SPATA18: variants seen among roughly 807,000 people sequenced by gnomAD.
The protein encoded by SPATA18 is mitochondria-eating protein.
In SPATA18, 54 loss-of-function variants were observed where a neutral mutation model predicts 68.1. The ratio of observed to expected loss-of-function variants is 0.79; its 90% CI spans 0.64 to 0.99. The LOEUF (loss-of-function observed/expected upper bound fraction) is 0.99, where lower values mean the gene tolerates loss of function less well. SPATA18 is among the 50% of genes least tolerant of loss of function. The pLI is 0.00. For synonymous variants in SPATA18, 242 were observed against 244.8 expected, an observed-to-expected ratio of 0.99 and a Z score of 0.11; for missense variants, 724 against 681.1, an observed-to-expected ratio of 1.06 and a Z score of -0.70.
chr4:52,086,499 A>T (rs1308463112), intron 11 of SPATA18, among the ~76,000 whole-genome samples: 1 of 152,092 alleles, frequency 6.6e-6, no homozygotes, highest in African/African-American at 2.4e-5. Context: ...CCCACTTATG[A>T]GTGAGAACAT....
chr4:52,076,933 C>G lies in SPATA18; in HGVS notation c.913C>G (p.Arg305Gly), dbSNP rs1023303693. Residue 305 changes from arginine (R) to glycine (G), a missense_variant, in exon 7 of 13, where the codon CGG (arginine) becomes GGG (glycine). By Grantham distance (125) the Arg-to-Gly change is moderately radical. Transcript: ENST00000295213. Reference sequence around the variant, plus strand: ...GGCGCGCAAGGCTGCCCTCTTGTCCCGGTTCAGCGATTCCTATTCCCAGGC... The same window carrying G: ...GGCGCGCAAGGCTGCCCTCTTGTCCGGGTTCAGCGATTCCTATTCCCAGGC... ...NVARKAALLS[R>G]FSDSYSQARL... 1.9e-6 allele frequency: 3 copies of G among 1,614,204 alleles called. No homozygotes were observed. Among genetic ancestry groups the G allele is most frequent in the East Asian group, 4.5e-5 (2 of 44,868 alleles).
In SPATA18 at chr4:52,094,546, C is replaced by T. The variant is rs544020122; in HGVS notation, c.1583C>T (p.Pro528Leu). The T allele has an allele frequency of 6.2e-7, 1 of 1,613,470 alleles. No individual in the cohort carries two copies. The highest frequency in any genetic ancestry group is 2.2e-5 in the East Asian group (1 of 44,874). The change falls in exon 12 of 13, where the codon CCT becomes CTT. Residue 528 changes from proline (P) to leucine (L), a missense_variant. Coordinates refer to ENST00000295213, the MANE Select transcript of SPATA18 (RefSeq NM_145263.4). The part of the protein sequence containing the change: ...GLNTMSRSRS[P>L]SPIRCGLPRF ...TTCCAGATGTCTCGAAGTCGGAGTC[C>T]TTCTCCAATAAGATGTGGATTGCCA... is the stretch of plus-strand genomic sequence containing the variant.
rs142966719 is a variant in SPATA18, at chr4:52,079,791, T to C, written c.1227T>C (p.Pro409=). ...TCAATCCCAAGATTTCATTCCCTCC[T>C]GTCGTTGACTTTTGCCTTCTCAGTG... The part of the protein sequence containing the change: ...MNVNPKISFP[P]VVDFCLLSDF... Residue 409 remains proline (P), a synonymous_variant, in exon 9 of 13, where the codon CCT becomes CCC. Coordinates refer to ENST00000295213, the MANE Select transcript of SPATA18 (RefSeq NM_145263.4). 3.6e-3 allele frequency: 5,887 copies of C among 1,614,088 alleles called. 18 individuals carry two copies. The highest frequency in any genetic ancestry group is 4.4e-3 in the Non-Finnish European group (5,182 of 1,179,940).
chr4:52,056,550 G>A (rs889290362), intron 1 of SPATA18, among the ~76,000 whole-genome samples: 7 of 119,170 alleles, frequency 5.9e-5, no homozygotes, highest in South Asian at 2.4e-4. Flanking sequence ...AGGTCCTGCA[G>A]GCCCCCTGAC....
intron 6 of SPATA18, among the ~76,000 whole-genome samples, chr4:52,074,369 A>G (rs765519755): frequency 6.6e-6 from 1 of 152,228 alleles, no homozygotes; most frequent in South Asian, 2.1e-4. Context: ...GAAACAAAGG[A>G]AAGGGGCCTC....
chr4:52,051,374 G>A lies in SPATA18; in HGVS notation c.-331G>A, dbSNP rs1737849167. ...CGGGCGTTGCCACGACGCGGGCCGC[G>A]CGCGTCCCTGGCAGCCAACCCGTCC... On this transcript the variant is annotated 5_prime_UTR_variant, in exon 1 of 13. Coordinates refer to ENST00000295213, the MANE Select transcript of SPATA18 (RefSeq NM_145263.4). 4.3e-6 allele frequency: 1 copy of A among 230,946 alleles called. No individual in the cohort carries two copies. The highest frequency in any genetic ancestry group is 5.7e-5 in the Admixed American group (1 of 17,674). The allele number at this position is 230,946 out of a possible 1,614,324, so 14.3% of individuals were successfully genotyped here.
chr4:52,094,575 A>G lies in SPATA18; in HGVS notation c.1609+3A>G, dbSNP rs1228286158. On this transcript the variant is annotated splice_donor_region_variant and intron_variant, in intron 12 of 12. Coordinates refer to ENST00000295213, the MANE Select transcript of SPATA18 (RefSeq NM_145263.4). ...TCCAATAAGATGTGGATTGCCAAGT[A>G]AGTGGGATTAGTTCAGATGGATCAA... The G allele has an allele frequency of 6.2e-7, 1 of 1,613,690 alleles. No homozygotes were observed. The highest frequency in any genetic ancestry group is 1.3e-5 in the African/African-American group (1 of 74,938).
At chr4:52,069,659 A>G (rs965388674) in intron 4 of SPATA18, among the ~76,000 whole-genome samples, 162 bp from the exon 5 acceptor site, 1 of 152,234 alleles carries the variant, frequency 6.6e-6, no homozygotes, top group Non-Finnish European at 1.5e-5. Flanking sequence ...GTCCACCACA[A>G]TATTTGCAAT....
At chr4:52,087,238 G>A in intron 11 of SPATA18, among the ~76,000 whole-genome samples, 1 of 152,128 alleles carries the variant, frequency 6.6e-6, no homozygotes, top group Non-Finnish European at 1.5e-5. Context: ...TCTAATGACA[G>A]TTTCTTTTGC....
At chr4:52,090,227 T>G (rs1741816274) in intron 11 of SPATA18, among the ~76,000 whole-genome samples, 1 of 152,216 alleles carries the variant, frequency 6.6e-6, no homozygotes, top group African/African-American at 2.4e-5. Context: ...GTCTTGACTC[T>G]TTATCCAGTT....
intron 6 of SPATA18, 59 bp downstream of exon 6, chr4:52,072,215 G>A (rs1175139510): frequency 7.0e-6 from 11 of 1,576,754 alleles, no homozygotes; most frequent in African/African-American, 6.8e-5. Flanking sequence ...TTAAGGGATC[G>A]GGGAGGAGGA....
chr4:52,057,723 T>G (rs2109409335), intron 1 of SPATA18, among the ~76,000 whole-genome samples: 1 of 152,354 alleles, frequency 6.6e-6, no homozygotes, highest in Non-Finnish European at 1.5e-5. Flanking sequence ...AGAACCAGAT[T>G]TGAACAAAGG....
Position 52,094,974 on chromosome 4 carries a change from C to A in SPATA18, c.*87C>A. 7 of 1,512,834 alleles carry A rather than the reference C, an allele frequency of 4.6e-6. No individual in the cohort carries two copies. In the South Asian group the frequency reaches 7.9e-5, roughly 17 times the overall value. The allele number at this position is 1,512,834 out of a possible 1,614,324, so 93.7% of individuals were successfully genotyped here. A position where few individuals can be genotyped will look rare whatever the true frequency, so the allele number is the denominator to read the frequency against. ...ATCTGTCTTCTGTGTCTGCCTCAGA[C>A]CTCACTTAAGATAATGTCAAAAGGC... On this transcript the variant is annotated 3_prime_UTR_variant, in exon 13 of 13. Coordinates refer to ENST00000295213, the MANE Select transcript of SPATA18 (RefSeq NM_145263.4).
At chr4:52,092,390 A>G (rs1325941419) in intron 11 of SPATA18, among the ~76,000 whole-genome samples, 1 of 152,236 alleles carries the variant, frequency 6.6e-6, no homozygotes, top group Non-Finnish European at 1.5e-5. Context: ...TGCAAAGACC[A>G]TGGGACAAGC....
In SPATA18 at chr4:52,076,707, C is replaced by T. The variant is rs1740377495; in HGVS notation, c.759-72C>T. 7 of 1,581,776 alleles carry T rather than the reference C, an allele frequency of 4.4e-6. No individual in the cohort carries two copies. In the Admixed American group the frequency reaches 1.2e-4, roughly 28 times the overall value. On this transcript the variant is annotated intron_variant, in intron 6 of 12. Transcript: ENST00000295213. Reference sequence around the variant, plus strand: ...CCTCCGGATGGTCGGATTCATTGGCCACCAGATGATCTTTGCTTTACTTAA... The same window carrying T: ...CCTCCGGATGGTCGGATTCATTGGCTACCAGATGATCTTTGCTTTACTTAA...
intron 4 of SPATA18, among the ~76,000 whole-genome samples, chr4:52,066,478 C>T (rs1487420366): frequency 2.0e-5 from 3 of 152,268 alleles, no homozygotes; most frequent in Admixed American, 6.5e-5. Flanking sequence ...GATTAAAAGC[C>T]GTTAGTCTCC....
intron 4 of SPATA18, among the ~76,000 whole-genome samples, chr4:52,064,183 C>CTATA (rs71193057): frequency 0.5 from 73,277 of 145,672 alleles, 20,860 homozygotes; most frequent in Middle Eastern, 0.68. Flanking sequence ...CCTTCTCTTT[C>CTATA]TATATATATA....
chr4:52,079,626 T>C, intron 8 of SPATA18, 118 bp from the exon 9 acceptor site: 1 of 1,177,766 alleles, frequency 8.5e-7, no homozygotes. Context: ...TTTTCTGCTT[T>C]AACTTGCTTT....
intron 7 of SPATA18, among the ~76,000 whole-genome samples, chr4:52,077,624 C>A (rs1253779286): frequency 1.3e-5 from 2 of 151,992 alleles, no homozygotes; most frequent in Non-Finnish European, 2.9e-5. Context: ...TTGCACTGTA[C>A]CTTTTGTCTA....
Sources: allele counts gnomAD v4.1 joint callset (sites outside exome capture counted in the v4.1 genomes callset), GRCh38; gene constraint gnomAD v4.1.1; transcripts MANE v1.5; gene names NCBI Gene and HGNC (gene_info 2026-07-23, HGNC 2026-07-21).